CDYL: variants seen among roughly 807,000 people sequenced by gnomAD.
The protein encoded by CDYL is chromodomain Y like, also known as chromodomain Y-like protein.
CDYL carries 8 observed loss-of-function variants against 47.3 expected under a neutral mutation model. The observed-to-expected ratio is 0.17, with a 90% CI of 0.10 to 0.31. The LOEUF is 0.31. CDYL is among the 10% of genes least tolerant of loss of function. CDYL has a pLI of 1.00. For synonymous variants in CDYL, 266 were observed against 265.0 expected (o/e 1.00, Z -0.04); for missense variants, 471 against 701.4 (o/e 0.67, Z 3.71).
At chr6:4,838,585 A>G (rs893194661) in intron 1 of CDYL, among the ~76,000 whole-genome samples, 1 of 152,056 alleles carries the variant, frequency 6.6e-6, no homozygotes, top group African/African-American at 2.4e-5. Flanking sequence ...TGTTTTTGCA[A>G]TTGCAAATAT....
chr6:4,798,896 A>G (rs997417161), intron 1 of CDYL, among the ~76,000 whole-genome samples: 1 of 152,212 alleles, frequency 6.6e-6, no homozygotes, highest in Admixed American at 6.5e-5. Flanking sequence ...TGAAAGTTGT[A>G]TCTTTAAAGG....
Position 4,890,430 on chromosome 6 carries a change from C to T in CDYL, c.25-1283C>T, listed in dbSNP as rs1291510574. 9.2e-5 allele frequency among the ~76,000 whole-genome samples: 14 copies of T among 151,980 alleles called. No individual in the cohort carries two copies. In the East Asian group the frequency reaches 1.9e-3, roughly 21 times the overall value. ...TGTGGAGATCTGTCAGACGTGAAAT[C>T]GGCCCTGTGATGAGCTAAGGTCTTG... On this transcript the variant is annotated intron_variant, in intron 1 of 6. Coordinates refer to ENST00000397588, the MANE Select transcript of CDYL (RefSeq NM_004824.4).
chr6:4,842,017 GTAT>G (rs897390882), intron 1 of CDYL, among the ~76,000 whole-genome samples: 12 of 141,522 alleles, frequency 8.5e-5, no homozygotes, highest in South Asian at 4.3e-4. Context: ...AATTATATTT[GTAT>G]TATTTGTAAT....
chr6:4,923,902 AAAAAAAAAAAAAAAATC>A (rs1323814855), intron 2 of CDYL, among the ~76,000 whole-genome samples: 1 of 350 alleles, frequency 2.9e-3, no homozygotes, highest in Non-Finnish European at 0.042. Context: ...CTCCGTCTCA[AAAAAAAAAAAAAAAATC>A]AAAAAAAAAA....
chr6:4,772,405 G>A (rs1012393209), upstream of CDYL, among the ~76,000 whole-genome samples: 6 of 152,126 alleles, frequency 3.9e-5, no homozygotes, highest in Non-Finnish European at 7.4e-5. Flanking sequence ...AGGCAACAGT[G>A]ACTGAAAAAA....
At chr6:4,943,470 T>A in intron 4 of CDYL, 76 bp from the exon 5 acceptor site, 1 of 1,058,246 alleles carries the variant, frequency 9.4e-7, no homozygotes. Flanking sequence ...CTTGGTAAAT[T>A]GAATTCCATA....
At chr6:4,801,385 A>C (rs1013420394) in intron 1 of CDYL, among the ~76,000 whole-genome samples, 1 of 152,216 alleles carries the variant, frequency 6.6e-6, no homozygotes, top group Non-Finnish European at 1.5e-5. Context: ...TCTGTTGACT[A>C]TCATTTTACC....
At chr6:4,929,065 G>A (rs758223736) in intron 2 of CDYL, among the ~76,000 whole-genome samples, 1 of 152,162 alleles carries the variant, frequency 6.6e-6, no homozygotes, top group Non-Finnish European at 1.5e-5. Context: ...TCAGGCTTCT[G>A]TCTGGTATTA....
At chr6:4,724,879 G>C (rs936206451) in intron 2 of CDYL, 4 of 152,170 alleles carry the variant, frequency 2.6e-5, no homozygotes, top group South Asian at 2.1e-4. Context: ...GACCACAGCA[G>C]ATTACCGCTG....
intron 1 of CDYL, among the ~76,000 whole-genome samples, chr6:4,811,620 T>G (rs1301015071): frequency 6.6e-6 from 1 of 150,694 alleles, no homozygotes; most frequent in Non-Finnish European, 1.5e-5. Context: ...TTTTTTTTTT[T>G]TTTTTTTGAG....
At chr6:4,854,966 C>A (rs950300301) in intron 1 of CDYL, among the ~76,000 whole-genome samples, 1 of 152,128 alleles carries the variant, frequency 6.6e-6, no homozygotes, top group Non-Finnish European at 1.5e-5. Flanking sequence ...TCAACCCGAT[C>A]CGGTTATAAT....
Position 4,792,983 on chromosome 6 carries a change from G to A in CDYL, c.24+16176G>A, listed in dbSNP as rs138909253. Reference sequence around the variant, plus strand: ...CTGTCATAGATGTTTCCATCCATGTGTAGGGCAGTTTCTTCTGTTCAATTG... The same window carrying A: ...CTGTCATAGATGTTTCCATCCATGTATAGGGCAGTTTCTTCTGTTCAATTG... On this transcript the variant is annotated intron_variant, in intron 1 of 6. Transcript: ENST00000397588. 4.1e-3 allele frequency among the ~76,000 whole-genome samples: 629 copies of A among 152,292 alleles called. 1 individual carries two copies. The highest frequency in any genetic ancestry group is 0.014 in the African/African-American group (589 of 41,550).
At chr6:4,871,189 C>A (rs1401364006) in intron 1 of CDYL, among the ~76,000 whole-genome samples, 2 of 152,156 alleles carry the variant, frequency 1.3e-5, no homozygotes. Context: ...CACTCCCTGT[C>A]CCCCTTTCTT....
rs1359950272 is a variant in CDYL, at chr6:4,851,780, GT to G, written c.25-39932del. Among the ~76,000 whole-genome samples the G allele has an allele frequency of 3.9e-4, 60 of 152,210 alleles. 1 individual carries two copies. Among genetic ancestry groups the G allele is most frequent in the African/African-American group, 1.4e-3 (60 of 41,460 alleles). On this transcript the variant is annotated intron_variant, in intron 1 of 6. Coordinates refer to ENST00000397588, the MANE Select transcript of CDYL (RefSeq NM_004824.4). ...CTCATGTTAGAAGATGCACATGGCT[GT>G]CATTCTTCATGTTTAAACCTGAGAA...
At chr6:4,820,903 C>T (rs1371956841) in intron 1 of CDYL, among the ~76,000 whole-genome samples, 3 of 152,224 alleles carry the variant, frequency 2.0e-5, no homozygotes, top group African/African-American at 4.8e-5. Context: ...AAAACATCCG[C>T]AGGCCTTGAC....
chr6:4,760,447 G>A (rs1027216181), intron 3 of CDYL, among the ~76,000 whole-genome samples: 1 of 152,082 alleles, frequency 6.6e-6, no homozygotes, highest in African/African-American at 2.4e-5. Flanking sequence ...TGCTTTCAGA[G>A]GACTGTGAGA....
At chr6:4,785,578 C>T (rs886681383) in intron 1 of CDYL, among the ~76,000 whole-genome samples, 2 of 152,194 alleles carry the variant, frequency 1.3e-5, no homozygotes, top group Non-Finnish European at 2.9e-5. Flanking sequence ...TAGTTGCACA[C>T]AGAAGCTTTT....
chr6:4,846,047 G>T (rs975199241), intron 1 of CDYL, among the ~76,000 whole-genome samples: 16 of 152,048 alleles, frequency 1.1e-4, no homozygotes, highest in African/African-American at 3.9e-4. Flanking sequence ...GGGAAAAATT[G>T]GCTTAATTAT....
At chr6:4,776,198 T>G, upstream of CDYL, among the ~76,000 whole-genome samples, 1 of 43,330 alleles carries the variant, frequency 2.3e-5, no homozygotes, top group East Asian at 8.3e-4. Context: ...ACTGCCCCGC[T>G]CCTCCCCTTC....
Sources: allele counts gnomAD v4.1 joint callset (sites outside exome capture counted in the v4.1 genomes callset), GRCh38; gene constraint gnomAD v4.1.1; transcripts MANE v1.5; gene names NCBI Gene and HGNC (gene_info 2026-07-23, HGNC 2026-07-21).